Variants in ABCA13 observed in about 807,000 individuals in gnomAD.
ABCA13 encodes ATP binding cassette subfamily A member 13.
In ABCA13, 476 loss-of-function variants were observed where a neutral mutation model predicts 478.7. The observed-to-expected ratio is 0.99, with a 90% CI of 0.92 to 1.07. ABCA13 has a LOEUF of 1.07. Among genes scored for constraint, ABCA13 ranks in the 50% least tolerant of loss-of-function variants. The pLI is 0.00. For missense variants in ABCA13, 6,060 were observed against 5,910.6 expected, an observed-to-expected ratio of 1.03 and a Z score of -0.83; for synonymous variants, 2,252 against 2,158.9, an observed-to-expected ratio of 1.04 and a Z score of -1.20.
At chr7:48,528,676 T>G (rs1833035238) in intron 55 of ABCA13, among the ~76,000 whole-genome samples, 1 of 152,082 alleles carries the variant, frequency 6.6e-6, no homozygotes, top group African/African-American at 2.4e-5. Context: ...AAGGGGTGGT[T>G]CTTCTTTATT....
intron 59 of ABCA13, among the ~76,000 whole-genome samples, chr7:48,621,123 C>T (rs1793086160): frequency 6.6e-6 from 1 of 152,184 alleles, no homozygotes; most frequent in South Asian, 2.1e-4. Flanking sequence ...TCACTGATTA[C>T]ACAATACTCC....
intron 31 of ABCA13, 45 bp downstream of exon 31, chr7:48,352,532 G>C: frequency 6.7e-7 from 1 of 1,499,480 alleles, no homozygotes; most frequent in South Asian, 1.3e-5. Flanking sequence ...GAAGGGCCTT[G>C]CATTTGTCTA....
At position 48,310,144 on chromosome 7, in the gene ABCA13, A is replaced by G. The variant is rs1447866582; in HGVS notation, c.9516+3A>G. On this transcript the variant is annotated splice_donor_region_variant and intron_variant, in intron 24 of 61. Coordinates refer to ENST00000435803, the MANE Select transcript of ABCA13 (RefSeq NM_152701.5). Reference sequence around the variant, plus strand: ...ATGTGCGAGCTTTCATTTACAAGGTATGGAGAGCATGCTGGCTGGGGGCAG... The same window carrying G: ...ATGTGCGAGCTTTCATTTACAAGGTGTGGAGAGCATGCTGGCTGGGGGCAG... The G allele has an allele frequency of 1.3e-6, 2 of 1,599,850 alleles. No homozygotes were observed. Among genetic ancestry groups the G allele is most frequent in the African/African-American group, 2.7e-5 (2 of 74,746 alleles).
At chr7:48,445,780 G>A (rs904300300) in intron 42 of ABCA13, among the ~76,000 whole-genome samples, 25 of 152,024 alleles carry the variant, frequency 1.6e-4, no homozygotes, top group Admixed American at 7.2e-4. Context: ...GAGCTATCTC[G>A]TGTGTGGCTG....
rs746336822 is a variant in ABCA13 at position 48,219,441 on chromosome 7, T to C, written c.375T>C (p.Ile125=). The C allele has an allele frequency of 6.2e-7, 1 of 1,613,304 alleles. No individual in the cohort carries two copies. Among genetic ancestry groups the C allele is most frequent in the South Asian group, 1.1e-5 (1 of 90,930 alleles). ...LKEIQDLAEE[I]HGMMDKAKNL... is the part of the protein sequence containing the mutation. ...AGATACAAGACCTGGCAGAGGAAAT[T>C]CATGGAATGATGGACAAGGCAAAAA... Residue 125 remains isoleucine, a synonymous_variant, in exon 4 of 62, where the codon ATT becomes ATC. Coordinates refer to ENST00000435803, the MANE Select transcript of ABCA13 (RefSeq NM_152701.5).
intron 54 of ABCA13, among the ~76,000 whole-genome samples, chr7:48,527,019 G>T (rs1340621631): frequency 6.6e-6 from 1 of 152,154 alleles, no homozygotes; most frequent in African/African-American, 2.4e-5. Flanking sequence ...GAACTGAAAG[G>T]TGCATGAGTG....
intron 42 of ABCA13, among the ~76,000 whole-genome samples, chr7:48,451,775 T>C (rs1355692546): frequency 1.3e-5 from 2 of 152,202 alleles, no homozygotes; most frequent in Non-Finnish European, 2.9e-5. Context: ...ATTTAAGCTA[T>C]TTCTCATAGG....
Position 48,520,152 on chromosome 7 carries a change from A to G in ABCA13, c.13909A>G (p.Thr4637Ala). ...LCYNQIKYDL[T>A]HNFGIDSYVS... ...CTATAATCAGATCAAATATGACCTG[A>G]CCCACAACTTCGGCATTGATTCCTA... The change falls in exon 53 of 62, where the codon ACC (threonine) becomes GCC (alanine). Residue 4637 changes from threonine (T) to alanine (A), a missense_variant. Thr to Ala is a moderately conservative substitution (Grantham distance 58). Around this residue, in one of 3 missense-constraint regions of ABCA13, gnomAD observed 1,627 missense variants for 1,571.0 expected, o/e 1.04. Coordinates refer to ENST00000435803, the MANE Select transcript of ABCA13 (RefSeq NM_152701.5). 1 of 1,613,774 alleles carries G rather than the reference A, an allele frequency of 6.2e-7. No individual in the cohort carries two copies. Among genetic ancestry groups the G allele is most frequent in the Non-Finnish European group, 8.5e-7 (1 of 1,179,806 alleles).
At chr7:48,619,810 G>C (rs1265234642) in intron 59 of ABCA13, among the ~76,000 whole-genome samples, 2 of 152,178 alleles carry the variant, frequency 1.3e-5, no homozygotes, top group Non-Finnish European at 2.9e-5. Context: ...GTCTTGGGAA[G>C]CAGCAAGACA....
chr7:48,239,519 A>G lies in ABCA13; in HGVS notation c.1062+114A>G, dbSNP rs571268950. 20 of 1,282,392 alleles carry G rather than the reference A, an allele frequency of 1.6e-5. 1 individual carries two copies. In the South Asian group the frequency reaches 3.0e-4, roughly 20 times the overall value. 79.4% of individuals were successfully genotyped at this position (1,282,392 alleles called of 1,614,324 possible). A position where few individuals can be genotyped will look rare whatever the true frequency, so the allele number is the denominator to read the frequency against. ...TGTTGGATTTTATGTCCCTCCAAGG[A>G]AAGGGCCTTAGGAGCCCCACATCCT... On this transcript the variant is annotated intron_variant, in intron 9 of 61. Coordinates refer to ENST00000435803, the MANE Select transcript of ABCA13 (RefSeq NM_152701.5).
chr7:48,193,408 T>G (rs746577924), intron 2 of ABCA13, among the ~76,000 whole-genome samples: 8 of 152,144 alleles, frequency 5.3e-5, no homozygotes, highest in Non-Finnish European at 8.8e-5. Context: ...GTAATGTTGA[T>G]GGTGGTGATG....
At chr7:48,232,725 A>T (rs1789339588) in intron 7 of ABCA13, among the ~76,000 whole-genome samples, 1 of 152,166 alleles carries the variant, frequency 6.6e-6, no homozygotes, top group Non-Finnish European at 1.5e-5. Context: ...AAGATTTTAT[A>T]CTTTTATAAG....
intron 27 of ABCA13, among the ~76,000 whole-genome samples, chr7:48,335,040 A>G (rs1806032441): frequency 6.6e-6 from 1 of 152,206 alleles, no homozygotes; most frequent in African/African-American, 2.4e-5. Flanking sequence ...ATTTTATTCT[A>G]TCCTCAATAG....
intron 45 of ABCA13, among the ~76,000 whole-genome samples, chr7:48,479,151 C>A (rs948379983): frequency 6.6e-6 from 1 of 151,476 alleles, no homozygotes; most frequent in African/African-American, 2.4e-5. Context: ...GGGGTTTCAC[C>A]GTGTTAGCCA....
chr7:48,247,128 C>T (rs1183990454), intron 13 of ABCA13, among the ~76,000 whole-genome samples: 3 of 151,990 alleles, frequency 2.0e-5, no homozygotes, highest in Non-Finnish European at 2.9e-5. Context: ...ATACCAGCTA[C>T]TCAGGAGGCT....
intron 41 of ABCA13, among the ~76,000 whole-genome samples, chr7:48,426,237 T>A (rs1821409626): frequency 1.3e-5 from 2 of 152,234 alleles, no homozygotes; most frequent in African/African-American, 4.8e-5. Context: ...ATCTTTCACA[T>A]GAAGGTAGCT....
At chr7:48,596,909 T>G (rs1175334302) in intron 58 of ABCA13, among the ~76,000 whole-genome samples, 1 of 152,060 alleles carries the variant, frequency 6.6e-6, no homozygotes, top group Admixed American at 6.6e-5. Flanking sequence ...ATTAACTGAA[T>G]CATATAATCA....
intron 1 of ABCA13, among the ~76,000 whole-genome samples, chr7:48,184,702 C>T (rs1188264574): frequency 6.6e-6 from 1 of 152,094 alleles, no homozygotes; most frequent in Non-Finnish European, 1.5e-5. Context: ...TGCCTGTAAT[C>T]CTAGATACCT....
intron 20 of ABCA13, among the ~76,000 whole-genome samples, chr7:48,295,051 T>G (rs1227000850): frequency 6.6e-6 from 1 of 152,184 alleles, no homozygotes; most frequent in Non-Finnish European, 1.5e-5. Flanking sequence ...TACCCAGAAG[T>G]GGGATTTCTG....
Sources: gnomAD v4.1 joint callset for allele counts (sites outside exome capture counted in the v4.1 genomes callset) on GRCh38, gnomAD v4.1.1 for gene constraint, gnomAD v4.1.1 regional missense constraint, MANE v1.5 for transcripts, NCBI Gene and HGNC (gene_info 2026-07-23, HGNC 2026-07-21) for gene names.